SUCLG2: variants seen among roughly 807,000 people sequenced by gnomAD.
SUCLG2 encodes the protein succinate--CoA ligase [GDP-forming] subunit beta, mitochondrial.
A neutral mutation model predicts 47.9 loss-of-function variants in SUCLG2; 42 were observed. The observed-to-expected ratio is 0.88, with a 90% CI of 0.69 to 1.14. The LOEUF (loss-of-function observed/expected upper bound fraction) is 1.14, where lower values mean the gene tolerates loss of function less well. Ranked by LOEUF, SUCLG2 falls within the 50% of genes most tolerant of loss-of-function variation. The pLI, the probability that SUCLG2 is intolerant of heterozygous loss-of-function variation, is 0.00. For synonymous variants in SUCLG2, 195 were observed against 197.3 expected, an observed-to-expected ratio of 0.99 and a Z score of 0.10; for missense variants, 571 against 525.9, an observed-to-expected ratio of 1.09 and a Z score of -0.84.
At chr3:67,567,775 A>G (rs1707498000) in intron 2 of SUCLG2, among the ~76,000 whole-genome samples, 1 of 152,212 alleles carries the variant, frequency 6.6e-6, no homozygotes, top group Non-Finnish European at 1.5e-5. Context: ...ATGTTTTATT[A>G]AAAGATTCAT....
At chr3:67,539,660 C>T (rs1439876454) in intron 2 of SUCLG2, among the ~76,000 whole-genome samples, 1 of 152,116 alleles carries the variant, frequency 6.6e-6, no homozygotes, top group African/African-American at 2.4e-5. Flanking sequence ...GTACCTACGG[C>T]AGAAGTCAGC....
intron 9 of SUCLG2, among the ~76,000 whole-genome samples, chr3:67,431,351 A>T (rs1703474169): frequency 6.6e-6 from 1 of 152,134 alleles, no homozygotes; most frequent in Non-Finnish European, 1.5e-5. Flanking sequence ...GATGACAAAA[A>T]CCACATGATT....
At chr3:67,401,430 A>G (rs984748922) in intron 9 of SUCLG2, among the ~76,000 whole-genome samples, 2 of 152,176 alleles carry the variant, frequency 1.3e-5, no homozygotes, top group African/African-American at 4.8e-5. Context: ...AGACTCTCGA[A>G]ATAAAGAGAT....
Position 67,654,531 on chromosome 3 carries a change from C to T in SUCLG2, c.56G>A (p.Arg19Gln). The T allele has an allele frequency of 8.0e-7, 1 of 1,256,508 alleles. No individual in the cohort carries two copies. Among genetic ancestry groups the T allele is most frequent in the Non-Finnish European group, 1.0e-6 (1 of 998,736 alleles). The allele number at this position is 1,256,508 out of a possible 1,614,324, so 77.8% of individuals were successfully genotyped here. A position where few individuals can be genotyped will look rare whatever the true frequency, so the allele number is the denominator to read the frequency against. ...AGKLLRALALRPRFLAAGSQA... is the reference protein window; with the variant it reads ...AGKLLRALALQPRFLAAGSQA... ...GGACCCGGCCGCCAGGAAGCGGGGC[C>T]GCAGCGCTAGGGCTCGCAGAAGCTT... Residue 19 changes from arginine (R) to glutamine (Q), a missense_variant, in exon 1 of 11, where the codon CGG (arginine) becomes CAG (glutamine). By Grantham distance (43) the Arg-to-Gln change is conservative. Coordinates refer to ENST00000307227, the MANE Select transcript of SUCLG2 (RefSeq NM_003848.4).
chr3:67,385,664 C>A (rs1034331168), intron 10 of SUCLG2, among the ~76,000 whole-genome samples: 4 of 152,232 alleles, frequency 2.6e-5, no homozygotes, highest in Admixed American at 1.3e-4. Flanking sequence ...ACTGGGTTTA[C>A]AAAGCTGCCT....
chr3:67,546,344 G>A (rs1706862014), intron 2 of SUCLG2, among the ~76,000 whole-genome samples: 1 of 152,188 alleles, frequency 6.6e-6, no homozygotes, highest in East Asian at 1.9e-4. Context: ...TGGTATTAGT[G>A]TGGCACAGAA....
downstream of SUCLG2, among the ~76,000 whole-genome samples, chr3:67,373,920 G>A (rs1300561195): frequency 6.6e-6 from 1 of 152,084 alleles, no homozygotes; most frequent in African/African-American, 2.4e-5. Context: ...TGATGGCTTT[G>A]AGCTTATTTG....
chr3:67,597,195 C>T (rs1708312665), intron 2 of SUCLG2, among the ~76,000 whole-genome samples: 1 of 152,208 alleles, frequency 6.6e-6, no homozygotes, highest in Non-Finnish European at 1.5e-5. Flanking sequence ...ATAAGGCTGG[C>T]AACAGGCAAA....
chr3:67,628,741 C>T (rs748992401), intron 1 of SUCLG2, among the ~76,000 whole-genome samples: 21 of 152,166 alleles, frequency 1.4e-4, no homozygotes, highest in South Asian at 4.1e-4. Flanking sequence ...TTCTCCTTTG[C>T]CTTCCACCAT....
intron 2 of SUCLG2, among the ~76,000 whole-genome samples, chr3:67,604,495 T>C (rs1708485535): frequency 6.6e-6 from 1 of 152,228 alleles, no homozygotes. Flanking sequence ...GTCATTTAGC[T>C]CTACAATCTC....
At chr3:67,526,707 A>G (rs1471082028) in intron 4 of SUCLG2, among the ~76,000 whole-genome samples, 2 of 152,268 alleles carry the variant, frequency 1.3e-5, no homozygotes, top group Non-Finnish European at 2.9e-5. Flanking sequence ...AATGCGGGCT[A>G]GAATGTGGAG....
In SUCLG2 at chr3:67,487,318, A is replaced by G. The variant is rs1575729238; in HGVS notation, c.1062+8480T>C. Among the ~76,000 whole-genome samples the G allele has an allele frequency of 2.0e-5, 3 of 152,166 alleles. No homozygotes were observed. The East Asian group carries it at 5.8e-4, about 29-fold the overall frequency. ...AACTAAGTAAATCATAGTAAAAGAC[A>G]CTAACATGCATGAGGTGATCTCAAT... On this transcript the variant is annotated intron_variant, in intron 9 of 10. Coordinates refer to ENST00000307227, the MANE Select transcript of SUCLG2 (RefSeq NM_003848.4).
At chr3:67,434,201 T>C (rs566964682) in intron 9 of SUCLG2, among the ~76,000 whole-genome samples, 1 of 152,280 alleles carries the variant, frequency 6.6e-6, no homozygotes, top group African/African-American at 2.4e-5. Context: ...TTTAACATAA[T>C]CAAGAAATTG....
intron 10 of SUCLG2, among the ~76,000 whole-genome samples, chr3:67,368,627 TAG>T (rs1288732654): frequency 6.6e-6 from 1 of 152,100 alleles, no homozygotes; most frequent in Non-Finnish European, 1.5e-5. Flanking sequence ...TTTTTTGAGA[TAG>T]AGTTTCACTT....
chr3:67,546,593 G>A (rs1009769270), intron 2 of SUCLG2, among the ~76,000 whole-genome samples: 3 of 152,102 alleles, frequency 2.0e-5, no homozygotes, highest in African/African-American at 7.2e-5. Context: ...AAATTAGCCG[G>A]GCGTGGTAGC....
chr3:67,375,042 C>A lies in SUCLG2; in HGVS notation c.*702G>T. Reference sequence around the variant, plus strand: ...TGACACAAAAATGGAAGCTTCCACTCCCAAAATCACAAATAAGGCTTCTGG... The same window carrying A: ...TGACACAAAAATGGAAGCTTCCACTACCAAAATCACAAATAAGGCTTCTGG... On this transcript the variant is annotated 3_prime_UTR_variant, in exon 11 of 11. Coordinates refer to ENST00000307227, the MANE Select transcript of SUCLG2 (RefSeq NM_003848.4). The A allele has an allele frequency of 2.0e-6, 2 of 985,742 alleles. No individual in the cohort carries two copies. The highest frequency in any genetic ancestry group is 2.4e-6 in the Non-Finnish European group (2 of 829,902). 61.1% of individuals were successfully genotyped at this position (985,742 alleles called of 1,614,324 possible). A position where few individuals can be genotyped will look rare whatever the true frequency, so the allele number is the denominator to read the frequency against.
intron 2 of SUCLG2, among the ~76,000 whole-genome samples, chr3:67,571,206 A>G (rs1264637146): frequency 6.6e-6 from 1 of 152,146 alleles, no homozygotes; most frequent in African/African-American, 2.4e-5. Flanking sequence ...ATGTCTGGAC[A>G]CAGTTCTGGT....
chr3:67,654,411 G>C (rs1267830564), intron 1 of SUCLG2, 92 bp downstream of exon 1: 34 of 1,061,450 alleles, frequency 3.2e-5, no homozygotes, highest in Non-Finnish European at 4.1e-5. Context: ...CGCGCAGGGG[G>C]TCAGGCGGAG....
chr3:67,507,839 A>G (rs1705679506), intron 7 of SUCLG2, among the ~76,000 whole-genome samples: 1 of 152,258 alleles, frequency 6.6e-6, no homozygotes, highest in Admixed American at 6.5e-5. Flanking sequence ...GGTGAAATGT[A>G]CTAAAAAAGA....
Sources: allele counts gnomAD v4.1 joint callset (sites outside exome capture counted in the v4.1 genomes callset), GRCh38; gene constraint gnomAD v4.1.1; transcripts MANE v1.5; gene names NCBI Gene and HGNC (gene_info 2026-07-23, HGNC 2026-07-21).